SLAMF1: variants seen among roughly 807,000 people sequenced by gnomAD.
SLAMF1 encodes the protein signaling lymphocytic activation molecule.
SLAMF1 carries 18 observed loss-of-function variants against 35.1 expected under a neutral mutation model. The observed-to-expected ratio is 0.51, with a 90% CI of 0.35 to 0.76. The LOEUF is 0.76. SLAMF1 is among the 30% of genes least tolerant of loss of function. The probability of loss-of-function intolerance (pLI) is 0.01; values close to 1 mark genes in which losing one functional copy is unlikely to be tolerated. For synonymous variants in SLAMF1, 168 were observed against 157.2 expected, an observed-to-expected ratio of 1.07 and a Z score of -0.51; for missense variants, 392 against 413.0, an observed-to-expected ratio of 0.95 and a Z score of 0.44.
rs1285122898 is a variant in SLAMF1 at position 160,612,605 on chromosome 1, A to G, written c.865-25T>C. On this transcript the variant is annotated intron_variant, in intron 5 of 6. Transcript: ENST00000302035. ...GCTACAAGAGAAGCAAAGAAAGCAG[A>G]TTAGCTGAACAGAGAGAGCTAGTTC... is the stretch of plus-strand genomic sequence containing the variant. The G allele has an allele frequency of 3.5e-6, 5 of 1,438,802 alleles. No individual in the cohort carries two copies. In the East Asian group the frequency reaches 1.1e-4, roughly 33 times the overall value. The allele number at this position is 1,438,802 out of a possible 1,614,324, so 89.1% of individuals were successfully genotyped here. A position where few individuals can be genotyped will look rare whatever the true frequency, so the allele number is the denominator to read the frequency against.
chr1:160,640,373 C>CAT (rs1553242560), intron 1 of SLAMF1, among the ~76,000 whole-genome samples: 18,628 of 134,444 alleles, frequency 0.14, 1,476 homozygotes, highest in South Asian at 0.21. Context: ...CACACACACA[C>CAT]ACATATATAT....
rs1212207835 is a variant in SLAMF1 at position 160,609,498 on chromosome 1, T to C, written c.*1250A>G. The C allele has an allele frequency of 1.3e-5, 2 of 152,188 alleles. No homozygotes were observed. The highest frequency in any genetic ancestry group is 2.9e-5 in the Non-Finnish European group (2 of 68,040). 9.4% of individuals were successfully genotyped at this position (152,188 alleles called of 1,614,324 possible). On this transcript the variant is annotated 3_prime_UTR_variant, in exon 7 of 7. Transcript: ENST00000302035. Reference sequence around the variant, plus strand: ...AGGACCTGAGTTTTGAGCTGGGAAGTTGGTGCTCCTTATTATGCAATGGTA... The same window carrying C: ...AGGACCTGAGTTTTGAGCTGGGAAGCTGGTGCTCCTTATTATGCAATGGTA...
At chr1:160,625,988 A>C (rs752476570) in intron 3 of SLAMF1, among the ~76,000 whole-genome samples, 9 of 152,212 alleles carry the variant, frequency 5.9e-5, no homozygotes, top group Non-Finnish European at 8.8e-5. Context: ...GTGTTTCGTC[A>C]GCCTATGGAA....
chr1:160,610,047 G>C lies in SLAMF1; in HGVS notation c.*701C>G, dbSNP rs912878626. The C allele has an allele frequency of 3.5e-6, 1 of 288,066 alleles. No homozygotes were observed. The highest frequency in any genetic ancestry group is 2.2e-5 in the African/African-American group (1 of 44,482). The allele number at this position is 288,066 out of a possible 1,614,324, so 17.8% of individuals were successfully genotyped here. ...AACTGAATGCCATTTGCACAGAACTGTACTTTTAAGGCTCTTACATGGTTT... is the reference window on the plus strand; with the variant it reads ...AACTGAATGCCATTTGCACAGAACTCTACTTTTAAGGCTCTTACATGGTTT... On this transcript the variant is annotated 3_prime_UTR_variant, in exon 7 of 7. Transcript: ENST00000302035.
At chr1:160,636,255 G>A (rs1333112328) in intron 2 of SLAMF1, among the ~76,000 whole-genome samples, 1 of 152,208 alleles carries the variant, frequency 6.6e-6, no homozygotes, top group Non-Finnish European at 1.5e-5. Flanking sequence ...GTACCTGGGG[G>A]AGGGCCATGG....
intron 6 of SLAMF1, 78 bp from the exon 7 acceptor site, chr1:160,610,876 GAGGAAAAGGAA>G: frequency 9.1e-7 from 1 of 1,095,182 alleles, no homozygotes; most frequent in Admixed American, 1.7e-5. Flanking sequence ...CAGCACTGCT[GAGGAAAAGGAA>G]AGGGTCTTAG....
At chr1:160,640,390 A>G (rs1660688683) in intron 1 of SLAMF1, among the ~76,000 whole-genome samples, 1 of 147,496 alleles carries the variant, frequency 6.8e-6, no homozygotes, top group Non-Finnish European at 1.5e-5. Context: ...ATATATATAC[A>G]CACACACATA....
At chr1:160,639,416 G>A (rs1418080196) in intron 1 of SLAMF1, among the ~76,000 whole-genome samples, 8 of 152,002 alleles carry the variant, frequency 5.3e-5, no homozygotes, top group African/African-American at 9.7e-5. Flanking sequence ...TAGTAAAGAC[G>A]GGGTTTCACC....
chr1:160,617,115 C>A (rs1659342938), intron 5 of SLAMF1, among the ~76,000 whole-genome samples: 1 of 151,674 alleles, frequency 6.6e-6, no homozygotes, highest in South Asian at 2.1e-4. Context: ...AAGATCACGC[C>A]ACTGCACCCC....
At chr1:160,637,666 T>A (rs1660529493) in intron 1 of SLAMF1, 137 bp from the exon 2 acceptor site, 1 of 628,116 alleles carries the variant, frequency 1.6e-6, no homozygotes, top group African/African-American at 1.8e-5. Context: ...TCCTTCGTGG[T>A]CTATAAGAAC....
rs376735098 is a variant in SLAMF1 at position 160,634,577 on chromosome 1, T to A, written c.700+36A>T. 43 of 1,559,022 alleles carry A rather than the reference T, an allele frequency of 2.8e-5. No homozygotes were observed. In the African/African-American group the frequency reaches 4.9e-4, roughly 18 times the overall value. ...CATGTGAAGACTGAGCCCATGCTCATTAAGGTGGCACACAGGCTGCCACCA... is the reference window on the plus strand; with the variant it reads ...CATGTGAAGACTGAGCCCATGCTCAATAAGGTGGCACACAGGCTGCCACCA... On this transcript the variant is annotated intron_variant, in intron 3 of 6. Transcript: ENST00000302035.
At chr1:160,614,247 A>C (rs911231342) in intron 5 of SLAMF1, among the ~76,000 whole-genome samples, 1 of 152,236 alleles carries the variant, frequency 6.6e-6, no homozygotes, top group African/African-American at 2.4e-5. Context: ...AATTTCTTGC[A>C]GTGATGAGAT....
intron 1 of SLAMF1, among the ~76,000 whole-genome samples, chr1:160,639,427 A>G (rs1660625997): frequency 6.6e-6 from 1 of 152,086 alleles, no homozygotes; most frequent in Non-Finnish European, 1.5e-5. Flanking sequence ...GGGTTTCACC[A>G]TGTTGGCCAG....
intron 3 of SLAMF1, 37 bp from the exon 4 acceptor site, chr1:160,624,222 G>C: frequency 7.1e-7 from 1 of 1,411,636 alleles, no homozygotes; most frequent in Non-Finnish European, 1.0e-6. Context: ...AATCTCAAAA[G>C]TATTCTGAGC....
intron 3 of SLAMF1, among the ~76,000 whole-genome samples, chr1:160,633,606 G>A (rs1488843456): frequency 1.3e-5 from 2 of 152,204 alleles, no homozygotes; most frequent in African/African-American, 4.8e-5. Context: ...ATGTCAGGGT[G>A]TAAGCAATGC....
At chr1:160,615,107 G>A (rs1162854801) in intron 5 of SLAMF1, among the ~76,000 whole-genome samples, 3 of 151,876 alleles carry the variant, frequency 2.0e-5, no homozygotes, top group Non-Finnish European at 4.4e-5. Context: ...AAGAATAAAG[G>A]CATTGTTAGT....
Position 160,634,651 on chromosome 1 carries a change from G to T in SLAMF1, c.662C>A (p.Thr221Asn), listed in dbSNP as rs1660333790. The T allele has an allele frequency of 1.2e-6, 2 of 1,613,804 alleles. No individual in the cohort carries two copies. Among genetic ancestry groups the T allele is most frequent in the East Asian group, 2.2e-5 (1 of 44,880 alleles). Residue 221 changes from threonine (T) to asparagine (N), a missense_variant, in exon 3 of 7, where the codon ACC becomes AAC. Physicochemically the swap from Thr to Asn is moderately conservative, Grantham distance 65. Coordinates refer to ENST00000302035, the MANE Select transcript of SLAMF1 (RefSeq NM_003037.5). ...CCTGCATCCGGGCCACGGGCTGAAG[G>T]TCTGGGAATTGTTGCTGATAGGGTT... is the stretch of plus-strand genomic sequence containing the variant. ...VSNPISNNSQ[T>N]FSPWPGCRTD... is the part of the protein sequence containing the mutation.
At chr1:160,634,568 C>A in intron 3 of SLAMF1, 45 bp downstream of exon 3, 1 of 1,535,576 alleles carries the variant, frequency 6.5e-7, no homozygotes, top group Non-Finnish European at 8.8e-7. Flanking sequence ...AAGACTGAGC[C>A]CATGCTCATT....
intron 5 of SLAMF1, among the ~76,000 whole-genome samples, chr1:160,614,450 C>T (rs952774181): frequency 4.6e-5 from 7 of 151,924 alleles, no homozygotes; most frequent in South Asian, 2.1e-4. Context: ...GGTGCATGCC[C>T]GTAATCCCAG....
Sources: allele counts gnomAD v4.1 joint callset (sites outside exome capture counted in the v4.1 genomes callset), GRCh38; gene constraint gnomAD v4.1.1; transcripts MANE v1.5; gene names NCBI Gene and HGNC (gene_info 2026-07-23, HGNC 2026-07-21).